Variants in ROBO1 observed in about 807,000 individuals in gnomAD.
The protein encoded by ROBO1 is roundabout guidance receptor 1, also known as roundabout homolog 1.
ROBO1 carries 149 observed loss-of-function variants against 195.9 expected under a neutral mutation model. The observed-to-expected ratio is 0.76, with a 90% confidence interval of 0.67 to 0.87. ROBO1 has a LOEUF of 0.87. Among genes scored for constraint, ROBO1 ranks in the 40% least tolerant of loss-of-function variants. The probability of loss-of-function intolerance (pLI) is 0.00; values close to 1 mark genes in which losing one functional copy is unlikely to be tolerated. For missense variants in ROBO1, 1,933 were observed against 2,068.3 expected (o/e 0.93, Z 1.27); for synonymous variants, 816 against 733.2 (o/e 1.11, Z -1.82).
At chr3:79,717,403 G>C (rs755059456) in intron 1 of ROBO1, among the ~76,000 whole-genome samples, 7 of 151,838 alleles carry the variant, frequency 4.6e-5, no homozygotes, top group Non-Finnish European at 7.4e-5. Context: ...TGCATTTTAG[G>C]TTGGCTATCT....
At chr3:79,072,458 C>G (rs2079105746) in intron 3 of ROBO1, among the ~76,000 whole-genome samples, 1 of 151,910 alleles carries the variant, frequency 6.6e-6, no homozygotes, top group Admixed American at 6.6e-5. Flanking sequence ...TGCATTTCTA[C>G]CTTTTCACTG....
chr3:78,902,759 G>C (rs1382941928), intron 4 of ROBO1, among the ~76,000 whole-genome samples: 1 of 152,072 alleles, frequency 6.6e-6, no homozygotes, highest in East Asian at 1.9e-4. Context: ...CAGGAGAATC[G>C]CTTGAACCCA....
intron 2 of ROBO1, among the ~76,000 whole-genome samples, chr3:79,126,506 A>C (rs966809919): frequency 4.6e-5 from 7 of 152,160 alleles, no homozygotes; most frequent in African/African-American, 1.7e-4. Context: ...TCTATATGTA[A>C]GATAAGTATG....
intron 2 of ROBO1, among the ~76,000 whole-genome samples, chr3:79,403,586 GAC>G (rs932502640): frequency 6.6e-6 from 1 of 151,968 alleles, no homozygotes; most frequent in Non-Finnish European, 1.5e-5. Flanking sequence ...CTTTTTCAAA[GAC>G]ATTGTATTCT....
intron 29 of ROBO1, among the ~76,000 whole-genome samples, chr3:78,603,919 A>C (rs1703320743): frequency 6.6e-6 from 1 of 152,128 alleles, no homozygotes; most frequent in Non-Finnish European, 1.5e-5. Flanking sequence ...TTTATAGCAG[A>C]AAGGACAACT....
chr3:79,321,398 C>G (rs190162687), intron 2 of ROBO1, among the ~76,000 whole-genome samples: 1 of 152,296 alleles, frequency 6.6e-6, no homozygotes, highest in Non-Finnish European at 1.5e-5. Context: ...TACATGCTAT[C>G]TTTTGTGCTC....
intron 4 of ROBO1, among the ~76,000 whole-genome samples, chr3:78,748,465 A>G (rs1478793096): frequency 3.6e-5 from 4 of 111,000 alleles, no homozygotes; most frequent in African/African-American, 1.5e-4. Context: ...AAATAAATAA[A>G]TAAATAAATC....
intron 2 of ROBO1, among the ~76,000 whole-genome samples, chr3:79,506,264 A>G (rs535378056): frequency 6.6e-6 from 1 of 152,170 alleles, no homozygotes; most frequent in Non-Finnish European, 1.5e-5. Flanking sequence ...AGCAATATCA[A>G]TTAGAAGATT....
At chr3:79,625,435 A>AAAAAAAAAAAAAAAAAAAAAAAAAAAAAC (rs1945142595) in intron 1 of ROBO1, among the ~76,000 whole-genome samples, 1 of 144,516 alleles carries the variant, frequency 6.9e-6, no homozygotes. Context: ...AAAAAAAAAA[A>AAAAAAAAAAAAAAAAAAAAAAAAAAAAAC]AAAAAAAAAG....
intron 4 of ROBO1, among the ~76,000 whole-genome samples, chr3:78,763,515 C>A (rs191711287): frequency 6.6e-6 from 1 of 152,272 alleles, no homozygotes; most frequent in Admixed American, 6.5e-5. Flanking sequence ...TAGCTAACTA[C>A]ATTCACATGT....
chr3:78,894,280 T>C (rs1286414198), intron 4 of ROBO1, among the ~76,000 whole-genome samples: 1 of 152,148 alleles, frequency 6.6e-6, no homozygotes, highest in Non-Finnish European at 1.5e-5. Context: ...GTGTCATATT[T>C]ATCACTATGT....
chr3:78,620,885 G>GTGTGTGTT (rs1489617441), intron 26 of ROBO1, among the ~76,000 whole-genome samples: 2 of 87,156 alleles, frequency 2.3e-5, no homozygotes, highest in Non-Finnish European at 5.4e-5. Context: ...ATATATATAT[G>GTGTGTGTT]TGTGTGTGTG....
intron 2 of ROBO1, among the ~76,000 whole-genome samples, chr3:79,358,052 A>T (rs1451670088): frequency 6.6e-6 from 1 of 152,116 alleles, no homozygotes; most frequent in Non-Finnish European, 1.5e-5. Context: ...GGTTAAGAGC[A>T]TGATCTCTGG....
intron 2 of ROBO1, among the ~76,000 whole-genome samples, chr3:79,294,077 A>AG (rs1392867121): frequency 6.7e-6 from 1 of 149,350 alleles, no homozygotes; most frequent in East Asian, 1.9e-4. Flanking sequence ...AAAAAAAAAA[A>AG]AAAAAAGAAA....
At chr3:79,226,298 C>T (rs1055852508) in intron 2 of ROBO1, among the ~76,000 whole-genome samples, 3 of 151,972 alleles carry the variant, frequency 2.0e-5, no homozygotes, top group Admixed American at 6.6e-5. Flanking sequence ...AAATGTCACA[C>T]AACAAGGCAC....
intron 3 of ROBO1, among the ~76,000 whole-genome samples, chr3:79,024,919 C>A (rs2078174910): frequency 6.6e-6 from 1 of 152,166 alleles, no homozygotes; most frequent in South Asian, 2.1e-4. Flanking sequence ...ATAGAGCAGT[C>A]AGAGGGATCT....
chr3:78,692,976 A>C (rs2081208439), intron 8 of ROBO1: 1 of 173,752 alleles, frequency 5.8e-6, no homozygotes, highest in Non-Finnish European at 1.2e-5. Flanking sequence ...TATATTTTGA[A>C]CCAAAAGAAC....
At chr3:79,372,316 C>T (rs2036226765) in intron 2 of ROBO1, among the ~76,000 whole-genome samples, 1 of 151,890 alleles carries the variant, frequency 6.6e-6, no homozygotes, top group African/African-American at 2.4e-5. Context: ...AAGCGATTCT[C>T]CTGCCTCAGC....
At chr3:78,861,493 C>T (rs1012870793) in intron 4 of ROBO1, among the ~76,000 whole-genome samples, 3 of 152,138 alleles carry the variant, frequency 2.0e-5, no homozygotes, top group Admixed American at 1.3e-4. Flanking sequence ...GCTTCACTGC[C>T]TCCTACTATA....
Sources: gnomAD v4.1 joint callset for allele counts (sites outside exome capture counted in the v4.1 genomes callset) on GRCh38, gnomAD v4.1.1 for gene constraint, MANE v1.5 for transcripts, NCBI Gene and HGNC (gene_info 2026-07-23, HGNC 2026-07-21) for gene names.